CNBD1: variants seen among roughly 807,000 people sequenced by gnomAD.
CNBD1 encodes the protein cyclic nucleotide-binding domain-containing protein 1.
In CNBD1, 71 loss-of-function variants were observed where a neutral mutation model predicts 54.4. The ratio of observed to expected loss-of-function variants is 1.30; its 90% CI spans 1.08 to 1.59. The LOEUF (loss-of-function observed/expected upper bound fraction) is 1.59, where lower values mean the gene tolerates loss of function less well. Ranked by LOEUF, CNBD1 falls within the 40% of genes most tolerant of loss-of-function variation. The pLI is 0.00. For missense variants in CNBD1, 659 were observed against 518.0 expected, an observed-to-expected ratio of 1.27 and a Z score of -2.64; for synonymous variants, 182 against 170.7, an observed-to-expected ratio of 1.07 and a Z score of -0.51.
At chr8:87,255,599 T>C (rs1807994393) in intron 6 of CNBD1, among the ~76,000 whole-genome samples, 1 of 151,948 alleles carries the variant, frequency 6.6e-6, no homozygotes, top group Non-Finnish European at 1.5e-5. Context: ...GTTGTTATAA[T>C]TTTTTAGCAT....
At chr8:87,321,869 T>C (rs1436931155) in intron 8 of CNBD1, among the ~76,000 whole-genome samples, 1 of 150,514 alleles carries the variant, frequency 6.6e-6, no homozygotes, top group Non-Finnish European at 1.5e-5. Flanking sequence ...TAGTTACATA[T>C]GTATACATGT....
chr8:87,095,904 C>T (rs111423777), intron 4 of CNBD1, among the ~76,000 whole-genome samples: 9 of 152,292 alleles, frequency 5.9e-5, no homozygotes, highest in South Asian at 2.1e-4. Context: ...GTGATCTGCC[C>T]GCCTTGGCCT....
chr8:86,933,153 C>G (rs990680848), intron 3 of CNBD1, among the ~76,000 whole-genome samples: 2 of 152,070 alleles, frequency 1.3e-5, no homozygotes, highest in Non-Finnish European at 2.9e-5. Flanking sequence ...GGATATACCC[C>G]CCAATTTTGG....
At chr8:87,099,834 A>T (rs1038555460) in intron 4 of CNBD1, among the ~76,000 whole-genome samples, 11 of 152,232 alleles carry the variant, frequency 7.2e-5, no homozygotes, top group African/African-American at 2.7e-4. Context: ...AAGTATTTGG[A>T]ATTCAGAGAA....
chr8:87,401,696 C>T (rs3923929), intron 2 of CNBD1, among the ~76,000 whole-genome samples: 83,243 of 151,868 alleles, frequency 0.55, 23,893 homozygotes, highest in African/African-American at 0.71. Context: ...TTGCAAATCT[C>T]AATTAGTTTT....
rs1038874455 is a variant in CNBD1 at position 86,984,102 on chromosome 8, A to G, written c.431+44348A>G. 3.3e-5 allele frequency among the ~76,000 whole-genome samples: 5 copies of G among 152,044 alleles called. 1 individual carries two copies. Among genetic ancestry groups the G allele is most frequent in the Admixed American group, 3.3e-4 (5 of 15,258 alleles). ...GCTGTGTTCAGTTTAGGGACTTGGCACCCTGCATCCCAGCCTCTCCAGCCA... is the reference window on the plus strand; with the variant it reads ...GCTGTGTTCAGTTTAGGGACTTGGCGCCCTGCATCCCAGCCTCTCCAGCCA... On this transcript the variant is annotated intron_variant, in intron 4 of 10. Transcript: ENST00000518476.
chr8:87,328,893 T>A (rs2130908012), intron 8 of CNBD1, among the ~76,000 whole-genome samples: 1 of 152,228 alleles, frequency 6.6e-6, no homozygotes, highest in African/African-American at 2.4e-5. Flanking sequence ...CTTAATACCA[T>A]TTATGAATTA....
intron 8 of CNBD1, among the ~76,000 whole-genome samples, chr8:87,338,156 G>T (rs942767506): frequency 1.3e-5 from 2 of 152,142 alleles, no homozygotes; most frequent in Admixed American, 1.3e-4. Context: ...CACAGAAAGT[G>T]TGAGTACCTT....
intron 5 of CNBD1, among the ~76,000 whole-genome samples, chr8:87,223,892 C>T (rs1374451904): frequency 6.6e-6 from 1 of 152,190 alleles, no homozygotes; most frequent in African/African-American, 2.4e-5. Context: ...TCCACATTCT[C>T]TCCAGCACCT....
chr8:86,979,796 C>G (rs943581805), intron 4 of CNBD1, among the ~76,000 whole-genome samples: 1 of 152,164 alleles, frequency 6.6e-6, no homozygotes, highest in Non-Finnish European at 1.5e-5. Flanking sequence ...GATCTCAAAG[C>G]ATCAGCTTGA....
At chr8:86,929,225 G>T (rs1809416531) in intron 3 of CNBD1, among the ~76,000 whole-genome samples, 1 of 152,200 alleles carries the variant, frequency 6.6e-6, no homozygotes, top group South Asian at 2.1e-4. Flanking sequence ...TTTCTTTGTA[G>T]TATTTAATGG....
At chr8:87,042,505 G>T (rs1031482911) in intron 4 of CNBD1, among the ~76,000 whole-genome samples, 1 of 152,144 alleles carries the variant, frequency 6.6e-6, no homozygotes, top group African/African-American at 2.4e-5. Flanking sequence ...ATTATATTTG[G>T]AAAGATGAGG....
chr8:87,422,494 C>G (rs577680946), intron 2 of CNBD1, among the ~76,000 whole-genome samples: 177 of 151,740 alleles, frequency 1.2e-3, no homozygotes, highest in Non-Finnish European at 1.4e-3. Context: ...CTACATATGG[C>G]TAGCCAGTTT....
intron 10 of CNBD1, among the ~76,000 whole-genome samples, chr8:87,372,936 ACTC>A (rs891714580): frequency 2.7e-5 from 4 of 149,818 alleles, no homozygotes; most frequent in African/African-American, 9.8e-5. Flanking sequence ...ACCTAAGTAA[ACTC>A]CTGTGATTTT....
chr8:87,265,695 GC>G (rs1677197300), intron 6 of CNBD1, among the ~76,000 whole-genome samples: 1 of 151,976 alleles, frequency 6.6e-6, no homozygotes. Context: ...ATGGAACACA[GC>G]CACATCCATT....
intron 3 of CNBD1, among the ~76,000 whole-genome samples, chr8:86,922,204 G>A (rs4526378): frequency 6.6e-6 from 1 of 151,906 alleles, no homozygotes; most frequent in African/African-American, 2.4e-5. Context: ...GCCCAAGTTG[G>A]TAGTTGTCAC....
chr8:87,246,655 C>A (rs11992516), intron 6 of CNBD1, among the ~76,000 whole-genome samples: 44,135 of 151,494 alleles, frequency 0.29, 7,108 homozygotes, highest in African/African-American at 0.44. Context: ...CCATCCTGTC[C>A]CTTTTAGAAT....
intron 4 of CNBD1, among the ~76,000 whole-genome samples, chr8:87,201,163 T>C (rs1316040574): frequency 6.6e-6 from 1 of 151,968 alleles, no homozygotes; most frequent in Admixed American, 6.6e-5. Context: ...TTTATAAATA[T>C]GAAAAAACTG....
chr8:87,096,265 C>G (rs1811318118), intron 4 of CNBD1, among the ~76,000 whole-genome samples: 1 of 151,706 alleles, frequency 6.6e-6, no homozygotes, highest in Non-Finnish European at 1.5e-5. Flanking sequence ...AGATGAAGTC[C>G]CTATTTGTGG....
Sources: allele counts gnomAD v4.1 joint callset (sites outside exome capture counted in the v4.1 genomes callset), GRCh38; gene constraint gnomAD v4.1.1; transcripts MANE v1.5; gene names NCBI Gene and HGNC (gene_info 2026-07-23, HGNC 2026-07-21).